SLC26A2: variants seen among roughly 807,000 people sequenced by gnomAD.
SLC26A2 encodes the protein solute carrier family 26 member 2.
A neutral mutation model predicts 41.1 loss-of-function variants in SLC26A2; 36 were observed. The ratio of observed to expected loss-of-function variants is 0.88; its 90% CI spans 0.67 to 1.16. The LOEUF (loss-of-function observed/expected upper bound fraction) is 1.16. Among genes scored for constraint, SLC26A2 ranks in the 50% most tolerant of loss-of-function variants. The pLI is 0.00. For synonymous variants in SLC26A2, 291 were observed against 311.6 expected, an observed-to-expected ratio of 0.93 and a Z score of 0.70; for missense variants, 796 against 869.6, an observed-to-expected ratio of 0.92 and a Z score of 1.07.
rs1755139356 is a variant in SLC26A2 at position 149,983,348 on chromosome 5, C to T, written c.*1535C>T. On this transcript the variant is annotated 3_prime_UTR_variant, in exon 3 of 3. Coordinates refer to ENST00000286298, the MANE Select transcript of SLC26A2 (RefSeq NM_000112.4). ...ATACCTTTCCATTATCACAACAAAG[C>T]AGTTGCTCAGTAGAAAGTCTAGATT... 6.6e-6 allele frequency: 1 copy of T among 152,108 alleles called. No individual in the cohort carries two copies. The highest frequency in any genetic ancestry group is 2.4e-5 in the African/African-American group (1 of 41,422). The allele number at this position is 152,108 out of a possible 1,614,324, so 9.4% of individuals were successfully genotyped here. A position where few individuals can be genotyped will look rare whatever the true frequency, so the allele number is the denominator to read the frequency against.
chr5:149,962,890 A>G (rs1195710164), intron 1 of SLC26A2, among the ~76,000 whole-genome samples: 1 of 152,194 alleles, frequency 6.6e-6, no homozygotes, highest in East Asian at 1.9e-4. Flanking sequence ...TAGGTGCAAG[A>G]CATGTTCAAG....
intron 1 of SLC26A2, among the ~76,000 whole-genome samples, chr5:149,964,310 G>A (rs967250556): frequency 3.3e-5 from 5 of 151,982 alleles, no homozygotes; most frequent in Non-Finnish European, 5.9e-5. Flanking sequence ...TGGACAACAC[G>A]GCGAAAACCT....
At position 149,981,028 on chromosome 5, in the gene SLC26A2, C is replaced by CA. The variant is rs745774620; in HGVS notation, c.1441dup (p.Ser481LysfsTer17). 6.2e-7 allele frequency: 1 copy of CA among 1,613,992 alleles called. No homozygotes were observed. The highest frequency in any genetic ancestry group is 2.2e-5 in the East Asian group (1 of 44,894). ...AATAGCTCCTTTGTTCTATTCCCTT[C>CA]AAAAAAGTGTCCTTGGTGTGATCAC... On this transcript the variant is annotated frameshift_variant, in exon 3 of 3. Coordinates refer to ENST00000286298, the MANE Select transcript of SLC26A2 (RefSeq NM_000112.4). LOFTEE classifies it high-confidence loss of function.
At position 149,977,770 on chromosome 5, in the gene SLC26A2, A is replaced by C; in HGVS notation, c.118A>C (p.Lys40Gln). The C allele has an allele frequency of 1.2e-6, 2 of 1,614,002 alleles. No individual in the cohort carries two copies. The highest frequency in any genetic ancestry group is 1.7e-6 in the Non-Finnish European group (2 of 1,179,858). Reference sequence around the variant, plus strand: ...TCAAAGGGAATCAAGTACTGACTTCAAGCAATTTGAGACCAATGATCAATG... The same window carrying C: ...TCAAAGGGAATCAAGTACTGACTTCCAGCAATTTGAGACCAATGATCAATG... ...ELQRESSTDF[K>Q]QFETNDQCRP... Residue 40 changes from lysine (K) to glutamine (Q), a missense_variant, in exon 2 of 3, where the codon AAG becomes CAG. Coordinates refer to ENST00000286298, the MANE Select transcript of SLC26A2 (RefSeq NM_000112.4).
Position 149,977,536 on chromosome 5 carries a change from T to C in SLC26A2, c.-25-92T>C, listed in dbSNP as rs187988037. ...TACCTATTCCAAAACTGAATTCCTT[T>C]TAACTCTCATGAAATGACAAATAGA... On this transcript the variant is annotated intron_variant, in intron 1 of 2. Coordinates refer to ENST00000286298, the MANE Select transcript of SLC26A2 (RefSeq NM_000112.4). The C allele has an allele frequency of 1.7e-4, 130 of 766,140 alleles. 2 individuals carry two copies. In the East Asian group the frequency reaches 2.8e-3, roughly 17 times the overall value. The allele number at this position is 766,140 out of a possible 1,614,324, so 47.5% of individuals were successfully genotyped here.
Position 149,981,926 on chromosome 5 carries a change from T to A in SLC26A2, c.*113T>A. ...ACACTTGAAATTTTAACCAAGTGGC[T>A]AGATATTATTCCTCCTTTGAAGCTA... On this transcript the variant is annotated 3_prime_UTR_variant, in exon 3 of 3. Transcript: ENST00000286298. 1 of 715,892 alleles carries A rather than the reference T, an allele frequency of 1.4e-6. No individual in the cohort carries two copies. Among genetic ancestry groups the A allele is most frequent in the Non-Finnish European group, 2.4e-6 (1 of 425,180 alleles). 44.3% of individuals were successfully genotyped at this position (715,892 alleles called of 1,614,324 possible).
chr5:149,980,370 T>G lies in SLC26A2; in HGVS notation c.777T>G (p.Gly259=), dbSNP rs2113697709. 6.2e-7 allele frequency: 1 copy of G among 1,614,190 alleles called. No individual in the cohort carries two copies. Residue 259 remains glycine, a synonymous_variant, in exon 3 of 3, where the codon GGT becomes GGG. Coordinates refer to ENST00000286298, the MANE Select transcript of SLC26A2 (RefSeq NM_000112.4). ...CCTTGCTGAGTGGATTTGTCACTGG[T>G]GCCTCCTTCACTATTCTTACATCTC... is the stretch of plus-strand genomic sequence containing the variant. ...SDALLSGFVT[G]ASFTILTSQA... is the part of the protein sequence containing the mutation.
chr5:149,981,242 AG>A lies in SLC26A2; in HGVS notation c.1650del (p.Ser551ValfsTer34), dbSNP rs386833497. ...FCVILRTQKP[K>X]SSLLGLVEES... is the part of the protein sequence containing the mutation. Reference sequence around the variant, plus strand: ...GTCATCCTCCGCACTCAGAAGCCAAAGAGTTCACTGCTTGGCTTGGTGGAAG... The same window carrying A: ...GTCATCCTCCGCACTCAGAAGCCAAAAGTTCACTGCTTGGCTTGGTGGAAG... On this transcript the variant is annotated frameshift_variant, in exon 3 of 3. Transcript: ENST00000286298. LOFTEE classifies it high-confidence loss of function. The A allele has an allele frequency of 6.9e-5, 112 of 1,614,042 alleles. No individual in the cohort carries two copies. Among genetic ancestry groups the A allele is most frequent in the Non-Finnish European group, 9.3e-5 (110 of 1,180,014 alleles).
chr5:149,966,113 C>G (rs1354351918), intron 1 of SLC26A2, among the ~76,000 whole-genome samples: 1 of 152,132 alleles, frequency 6.6e-6, no homozygotes, highest in African/African-American at 2.4e-5. Context: ...CCATGTGGGC[C>G]AGGCTGGTCT....
intron 1 of SLC26A2, among the ~76,000 whole-genome samples, chr5:149,969,391 C>T (rs889188980): frequency 1.8e-4 from 27 of 152,282 alleles, no homozygotes; most frequent in African/African-American, 5.5e-4. Context: ...ACTTGAGAAC[C>T]ACATTTCTAA....
rs1415322150 is a variant in SLC26A2 at position 149,985,127 on chromosome 5, T to C, written c.*3314T>C. On this transcript the variant is annotated 3_prime_UTR_variant, in exon 3 of 3. Coordinates refer to ENST00000286298, the MANE Select transcript of SLC26A2 (RefSeq NM_000112.4). ...TACCTCCCAGAGCAAGGTATCTTTC[T>C]AGAGCAAATTTCTCTTTCTAGAAGG... 2 of 152,250 alleles carry C rather than the reference T, an allele frequency of 1.3e-5. No homozygotes were observed. The highest frequency in any genetic ancestry group is 2.9e-5 in the Non-Finnish European group (2 of 68,076). 9.4% of individuals were successfully genotyped at this position (152,250 alleles called of 1,614,324 possible).
In SLC26A2 at chr5:149,984,195, A is replaced by G. The variant is rs1755153848; in HGVS notation, c.*2382A>G. ...TACTTGTCCCATCCATCCAAACAAG[A>G]GATTCTGCTTTTGGTAGCCATCTGT... On this transcript the variant is annotated 3_prime_UTR_variant, in exon 3 of 3. Transcript: ENST00000286298. 6.6e-6 allele frequency: 1 copy of G among 152,242 alleles called. No individual in the cohort carries two copies. The highest frequency in any genetic ancestry group is 1.5e-5 in the Non-Finnish European group (1 of 68,048). 9.4% of individuals were successfully genotyped at this position (152,242 alleles called of 1,614,324 possible).
rs1247388334 is a variant in SLC26A2 at position 149,981,343 on chromosome 5, G to A, written c.1750G>A (p.Val584Ile). 5 of 1,613,970 alleles carry A rather than the reference G, an allele frequency of 3.1e-6. No homozygotes were observed. Among genetic ancestry groups the A allele is most frequent in the African/African-American group, 1.3e-5 (1 of 74,908 alleles). Residue 584 changes from valine (V) to isoleucine (I), a missense_variant, in exon 3 of 3, where the codon GTA becomes ATA. Coordinates refer to ENST00000286298, the MANE Select transcript of SLC26A2 (RefSeq NM_000112.4). ...GCCAGGCATCAAGATTTTCCGCTTTGTAGCCCCTCTCTACTACATAAACAA... is the reference window on the plus strand; with the variant it reads ...GCCAGGCATCAAGATTTTCCGCTTTATAGCCCCTCTCTACTACATAAACAA... ...IKPGIKIFRF[V>I]APLYYINKEC...
rs914666454 is a variant in SLC26A2, at chr5:149,982,935, A to C, written c.*1122A>C. The C allele has an allele frequency of 6.6e-6, 1 of 152,176 alleles. No individual in the cohort carries two copies. Among genetic ancestry groups the C allele is most frequent in the Non-Finnish European group, 1.5e-5 (1 of 68,018 alleles). 9.4% of individuals were successfully genotyped at this position (152,176 alleles called of 1,614,324 possible). A position where few individuals can be genotyped will look rare whatever the true frequency, so the allele number is the denominator to read the frequency against. On this transcript the variant is annotated 3_prime_UTR_variant, in exon 3 of 3. Transcript: ENST00000286298. ...AGAATGTCCAACACTGAAAGTTTAT[A>C]GTTTTATATTTGGACCTTGAAAGGT... is the stretch of plus-strand genomic sequence containing the variant.
chr5:149,970,338 T>A lies in SLC26A2; in HGVS notation c.-25-7290T>A, dbSNP rs529242453. ...GCCTGGGAAACATAGCAAGACCCTG[T>A]CTCTACAAAGAAATAAAAACAAATT... On this transcript the variant is annotated intron_variant, in intron 1 of 2. Transcript: ENST00000286298. Among the ~76,000 whole-genome samples the A allele has an allele frequency of 4.4e-4, 67 of 152,118 alleles. No individual in the cohort carries two copies. In the South Asian group the frequency reaches 0.013, roughly 30 times the overall value.
rs1441932186 is a variant in SLC26A2, at chr5:149,985,052, A to G, written c.*3239A>G. The G allele has an allele frequency of 6.6e-6, 1 of 152,214 alleles. No individual in the cohort carries two copies. 9.4% of individuals were successfully genotyped at this position (152,214 alleles called of 1,614,324 possible). A position where few individuals can be genotyped will look rare whatever the true frequency, so the allele number is the denominator to read the frequency against. On this transcript the variant is annotated 3_prime_UTR_variant, in exon 3 of 3. Transcript: ENST00000286298. ...GAGGAACCCAGTTGAATAGGATCCA[A>G]TCCCTGGTTAGCCTCTACACAATAA... is the stretch of plus-strand genomic sequence containing the variant.
rs886060225 is a variant in SLC26A2 at position 149,981,738 on chromosome 5, G to A, written c.2145G>A (p.Ala715=). 1.3e-5 allele frequency: 21 copies of A among 1,611,142 alleles called. No homozygotes were observed. The highest frequency in any genetic ancestry group is 4.5e-5 in the East Asian group (2 of 44,880). The change falls in exon 3 of 3, where the codon GCG becomes GCA. Residue 715 remains alanine (A), a synonymous_variant. Coordinates refer to ENST00000286298, the MANE Select transcript of SLC26A2 (RefSeq NM_000112.4). The part of the protein sequence containing the change: ...ENLLFYSVYE[A]MAFAEVSKNQ... ...TTCTCTTCTATAGTGTGTATGAAGC[G>A]ATGGCTTTTGCAGAAGTATCTAAAA... is the stretch of plus-strand genomic sequence containing the variant.
intron 1 of SLC26A2, among the ~76,000 whole-genome samples, chr5:149,971,401 T>C (rs1754895831): frequency 1.3e-5 from 2 of 152,214 alleles, no homozygotes; most frequent in Admixed American, 6.5e-5. Context: ...GTTTTCTTTT[T>C]CTTTTTTCTT....
intron 1 of SLC26A2, among the ~76,000 whole-genome samples, chr5:149,972,126 C>T (rs961928125): frequency 6.6e-6 from 1 of 152,218 alleles, no homozygotes; most frequent in African/African-American, 2.4e-5. Flanking sequence ...ACTTCAGAGC[C>T]CAGGTTAGAT....
Sources: allele counts gnomAD v4.1 joint callset (sites outside exome capture counted in the v4.1 genomes callset), GRCh38; gene constraint gnomAD v4.1.1; transcripts MANE v1.5; gene names NCBI Gene and HGNC (gene_info 2026-07-23, HGNC 2026-07-21).